NTM: variants seen among roughly 807,000 people sequenced by gnomAD.
The protein encoded by NTM is neurotrimin.
NTM carries 13 observed loss-of-function variants against 42.1 expected under a neutral mutation model. The observed-to-expected ratio is 0.31, with a 90% CI of 0.20 to 0.49. The LOEUF is 0.49. Ranked by LOEUF, NTM falls within the 20% of genes least tolerant of loss-of-function variation. NTM has a pLI of 0.99. For synonymous variants in NTM, 187 were observed against 179.2 expected (o/e 1.04, Z -0.35); for missense variants, 373 against 452.8 (o/e 0.82, Z 1.60).
At chr11:132,067,527 A>T (rs2056701829) in intron 2 of NTM, among the ~76,000 whole-genome samples, 1 of 152,214 alleles carries the variant, frequency 6.6e-6, no homozygotes. Flanking sequence ...AAACTAGAAG[A>T]CGGGTTATCT....
At chr11:132,162,710 G>A (rs12288074) in intron 3 of NTM, among the ~76,000 whole-genome samples, 62,426 of 147,540 alleles carry the variant, frequency 0.42, 13,335 homozygotes, top group East Asian at 0.65. Flanking sequence ...GTGATCTTGT[G>A]TGTGTGTGTT....
At chr11:132,106,641 C>A (rs1053045299) in intron 2 of NTM, among the ~76,000 whole-genome samples, 1 of 152,222 alleles carries the variant, frequency 6.6e-6, no homozygotes, top group African/African-American at 2.4e-5. Flanking sequence ...TCTGTCTGTA[C>A]CCACAGCCTA....
chr11:131,398,130 T>A (rs1944754586), intron 1 of NTM, among the ~76,000 whole-genome samples: 1 of 152,174 alleles, frequency 6.6e-6, no homozygotes, highest in Admixed American at 6.5e-5. Context: ...TGGGACCAAG[T>A]TAATAACGAT....
intron 2 of NTM, among the ~76,000 whole-genome samples, chr11:131,951,461 A>G (rs945850386): frequency 6.6e-6 from 1 of 152,124 alleles, no homozygotes; most frequent in African/African-American, 2.4e-5. Flanking sequence ...TCTCCACCCT[A>G]TTAACCTGCT....
intron 1 of NTM, among the ~76,000 whole-genome samples, chr11:131,825,971 T>C (rs982749606): frequency 6.6e-6 from 1 of 152,178 alleles, no homozygotes; most frequent in Non-Finnish European, 1.5e-5. Context: ...TGGAGATTAT[T>C]GTTTTATATG....
intron 6 of NTM, among the ~76,000 whole-genome samples, chr11:132,312,210 G>C (rs112192083): frequency 2.5e-4 from 38 of 152,198 alleles, no homozygotes; most frequent in South Asian, 4.1e-4. Flanking sequence ...TGTCTGCCCT[G>C]GGGGGAAGGC....
chr11:132,275,557 C>T (rs1341569497), intron 4 of NTM, among the ~76,000 whole-genome samples: 1 of 151,284 alleles, frequency 6.6e-6, no homozygotes, highest in Non-Finnish European at 1.5e-5. Context: ...CGCTTTTCCA[C>T]ATATATTGCA....
chr11:132,085,903 T>A (rs978838616), intron 2 of NTM, among the ~76,000 whole-genome samples: 7 of 152,164 alleles, frequency 4.6e-5, no homozygotes, highest in African/African-American at 1.7e-4. Flanking sequence ...CTGCCTCTAT[T>A]TTCTGGGGGT....
At position 132,002,045 on chromosome 11, in the gene NTM, G is replaced by A. The variant is rs2069401717; in HGVS notation, c.167+90397G>A. Reference sequence around the variant, plus strand: ...AGCAATGGCAGGGACAGCCAAAGAGGAATCAGAATCAGTTAATGAATTAGG... The same window carrying A: ...AGCAATGGCAGGGACAGCCAAAGAGAAATCAGAATCAGTTAATGAATTAGG... On this transcript the variant is annotated intron_variant, in intron 2 of 8. Transcript: ENST00000683400. The surrounding 1 kb of genome is among the most constrained non-coding windows in gnomAD (Gnocchi z 4.5). Among the ~76,000 whole-genome samples the A allele has an allele frequency of 6.6e-6, 1 of 152,162 alleles. No individual in the cohort carries two copies. Among genetic ancestry groups the A allele is most frequent in the African/African-American group, 2.4e-5 (1 of 41,444 alleles).
intron 2 of NTM, among the ~76,000 whole-genome samples, chr11:132,081,985 G>A (rs936522130): frequency 7.5e-5 from 11 of 147,160 alleles, no homozygotes; most frequent in Non-Finnish European, 1.3e-4. Flanking sequence ...TAATGCAATT[G>A]CTGGCACAGA....
intron 1 of NTM, among the ~76,000 whole-genome samples, chr11:131,565,167 G>A (rs1185588142): frequency 6.6e-6 from 1 of 152,164 alleles, no homozygotes; most frequent in Admixed American, 6.5e-5. Flanking sequence ...TGAACACAGG[G>A]AGCAGCCCCC....
At chr11:132,291,276 T>G (rs528052981) in intron 4 of NTM, among the ~76,000 whole-genome samples, 6 of 152,158 alleles carry the variant, frequency 3.9e-5, no homozygotes, top group South Asian at 2.1e-4. Flanking sequence ...GAGGTAGAAT[T>G]AATAAGACTT....
chr11:131,826,210 A>G (rs994256336), intron 1 of NTM, among the ~76,000 whole-genome samples: 5 of 152,170 alleles, frequency 3.3e-5, no homozygotes, highest in African/African-American at 1.2e-4. Flanking sequence ...TAGATTGCTG[A>G]TGGTTGAGGC....
At position 131,370,946 on chromosome 11, in the gene NTM, A is replaced by G. The variant is rs964580049; in HGVS notation, c.82+58A>G. The G allele has an allele frequency of 3.1e-6, 5 of 1,603,486 alleles. No homozygotes were observed. The Admixed American group carries it at 7.0e-5, about 22-fold the overall frequency. On this transcript the variant is annotated intron_variant, in intron 1 of 8. Transcript: ENST00000683400. ...ACCCAGGAATTGTACAGTGTGCTTTATAAGATTTGCAGACTCCCCGAGTCG... is the reference window on the plus strand; with the variant it reads ...ACCCAGGAATTGTACAGTGTGCTTTGTAAGATTTGCAGACTCCCCGAGTCG...
intron 1 of NTM, among the ~76,000 whole-genome samples, chr11:131,873,615 A>ATATATATACATATATATATACCG (rs2048093710): frequency 1.6e-5 from 1 of 60,836 alleles, no homozygotes; most frequent in African/African-American, 6.6e-5. Flanking sequence ...TATATACCGT[A>ATATATATACATATATATATACCG]TATATATACA....
At chr11:131,490,980 C>A (rs748240919) in intron 1 of NTM, among the ~76,000 whole-genome samples, 8 of 152,168 alleles carry the variant, frequency 5.3e-5, no homozygotes, top group African/African-American at 1.9e-4. Flanking sequence ...AATGCAGACA[C>A]AAGTGTCTCC....
At chr11:131,528,928 C>A (rs1368386181) in intron 1 of NTM, among the ~76,000 whole-genome samples, 2 of 152,122 alleles carry the variant, frequency 1.3e-5, no homozygotes, top group Non-Finnish European at 2.9e-5. Flanking sequence ...TTTTGTATTT[C>A]CGAATAGATT....
chr11:131,899,663 C>T (rs2052828468), intron 1 of NTM, among the ~76,000 whole-genome samples: 2 of 152,212 alleles, frequency 1.3e-5, no homozygotes, highest in Non-Finnish European at 2.9e-5. Context: ...GGGTATATCA[C>T]ACGTTAATTT....
chr11:132,239,317 T>C (rs866014025), intron 4 of NTM, among the ~76,000 whole-genome samples: 24 of 152,262 alleles, frequency 1.6e-4, no homozygotes, highest in African/African-American at 5.8e-4. Context: ...CCCAAAATTA[T>C]CTGTTTTCCT....
Sources: gnomAD v4.1 joint callset for allele counts (sites outside exome capture counted in the v4.1 genomes callset) on GRCh38, gnomAD v4.1.1 for gene constraint, Gnocchi (gnomAD v3.1) non-coding constraint, MANE v1.5 for transcripts, NCBI Gene and HGNC (gene_info 2026-07-23, HGNC 2026-07-21) for gene names.